Variants in PLBD2 observed in about 807,000 individuals in gnomAD.
PLBD2 encodes phospholipase B domain containing 2.
A neutral mutation model predicts 68.3 loss-of-function variants in PLBD2; 51 were observed. That is an observed-to-expected ratio of 0.75 (90% CI 0.60 to 0.94). The LOEUF (loss-of-function observed/expected upper bound fraction) is 0.94, where lower values mean the gene tolerates loss of function less well. Among genes scored for constraint, PLBD2 ranks in the 40% least tolerant of loss-of-function variants. The pLI is 0.00. For missense variants in PLBD2, 729 were observed against 792.2 expected (o/e 0.92, Z 0.96); for synonymous variants, 314 against 339.3 (o/e 0.93, Z 0.82).
chr12:113,359,100 G>T (rs1266565647), intron 1 of PLBD2, among the ~76,000 whole-genome samples: 1 of 152,256 alleles, frequency 6.6e-6, no homozygotes, highest in Non-Finnish European at 1.5e-5. Context: ...CATGGGGCCA[G>T]TCCCTTGCCT....
At chr12:113,373,398 G>A (rs907032814) in intron 3 of PLBD2, among the ~76,000 whole-genome samples, 18 of 152,194 alleles carry the variant, frequency 1.2e-4, no homozygotes, top group African/African-American at 4.3e-4. Flanking sequence ...CTGTAAAGTG[G>A]CCATCAATGC....
intron 6 of PLBD2, among the ~76,000 whole-genome samples, chr12:113,382,867 GTTTTTTTTTTTT>G (rs67376686): frequency 3.7e-5 from 3 of 81,798 alleles, no homozygotes; most frequent in African/African-American, 1.4e-4. Context: ...GTGTGTGTGT[GTTTTTTTTTTTT>G]TTTTTTTTTT....
intron 5 of PLBD2, among the ~76,000 whole-genome samples, chr12:113,375,320 A>T (rs1957431126): frequency 6.6e-6 from 1 of 151,462 alleles, no homozygotes; most frequent in Non-Finnish European, 1.5e-5. Context: ...TAATTTGTTT[A>T]TTTTTTTATT....
intron 6 of PLBD2, among the ~76,000 whole-genome samples, chr12:113,382,835 TTGTGTGTG>T (rs1209547269): frequency 1.7e-4 from 18 of 106,606 alleles, no homozygotes; most frequent in African/African-American, 5.0e-4. Context: ...TGGTGGTTTT[TTGTGTGTG>T]TGTGTGTGTG....
chr12:113,383,134 G>A (rs1408584004), intron 6 of PLBD2, among the ~76,000 whole-genome samples: 3 of 152,170 alleles, frequency 2.0e-5, no homozygotes, highest in Non-Finnish European at 2.9e-5. Context: ...CGGAGGCAGC[G>A]GTGGGCATCC....
intron 6 of PLBD2, among the ~76,000 whole-genome samples, chr12:113,382,835 T>TTTTTTGTGTGTGTGTGTGTGTGTG (rs1335785271): frequency 6.6e-5 from 7 of 106,610 alleles, no homozygotes; most frequent in Non-Finnish European, 1.1e-4. Context: ...TGGTGGTTTT[T>TTTTTTGTGTGTGTGTGTGTGTGTG]TGTGTGTGTG....
In PLBD2 at chr12:113,384,289, G is replaced by A; in HGVS notation, c.1118+24G>A. On this transcript the variant is annotated intron_variant, in intron 7 of 11. Coordinates refer to ENST00000280800, the MANE Select transcript of PLBD2 (RefSeq NM_173542.4). This position sits in a 1 kb window ranked among gnomAD's most constrained non-coding sequence, Gnocchi z 4.2. ...ACGTGAGTGGGCTTCTGGCCCTGTG[G>A]CTTCCCCTGCACCAAGAGATAGACC... 1 of 1,594,608 alleles carries A rather than the reference G, an allele frequency of 6.3e-7. No individual in the cohort carries two copies. The highest frequency in any genetic ancestry group is 8.6e-7 in the Non-Finnish European group (1 of 1,169,156).
chr12:113,367,800 G>A (rs1356397429), intron 1 of PLBD2, among the ~76,000 whole-genome samples: 4 of 151,168 alleles, frequency 2.6e-5, no homozygotes, highest in African/African-American at 9.7e-5. Context: ...TTAAGCTACT[G>A]TAAAGTATCT....
chr12:113,385,008 C>A, intron 8 of PLBD2, 62 bp downstream of exon 8: 2 of 1,495,290 alleles, frequency 1.3e-6, no homozygotes, highest in African/African-American at 1.4e-5. Flanking sequence ...GGGTGAAGGC[C>A]CAGAGCCGTG....
chr12:113,378,001 A>G (rs1957449805), intron 5 of PLBD2, among the ~76,000 whole-genome samples: 1 of 152,226 alleles, frequency 6.6e-6, no homozygotes, highest in Non-Finnish European at 1.5e-5. Context: ...CCTAGACTTT[A>G]AAAAATGTAC....
intron 3 of PLBD2, among the ~76,000 whole-genome samples, 195 bp from the exon 4 acceptor site, chr12:113,374,279 T>C (rs116710771): frequency 0.011 from 1,712 of 152,228 alleles, 29 homozygotes; most frequent in African/African-American, 0.037. Flanking sequence ...AGTTAATTCA[T>C]TGAAAGCAGG....
chr12:113,362,304 G>T (rs1957302996), intron 1 of PLBD2, among the ~76,000 whole-genome samples: 1 of 151,902 alleles, frequency 6.6e-6, no homozygotes. Context: ...TCCAGCCTGG[G>T]CAACAGAGTG....
intron 6 of PLBD2, among the ~76,000 whole-genome samples, chr12:113,382,882 T>G (rs1957509641): frequency 1.4e-5 from 2 of 145,270 alleles, no homozygotes; most frequent in African/African-American, 5.1e-5. Context: ...TTTTTTTTTT[T>G]TTTTTTTTAG....
chr12:113,376,134 G>A (rs1957436244), intron 5 of PLBD2, among the ~76,000 whole-genome samples: 1 of 148,168 alleles, frequency 6.7e-6, no homozygotes, highest in Admixed American at 6.8e-5. Context: ...GATTACAGGT[G>A]TGAGCCACCG....
chr12:113,367,649 C>T (rs1394720439), intron 1 of PLBD2, among the ~76,000 whole-genome samples: 1 of 148,382 alleles, frequency 6.7e-6, no homozygotes, highest in Middle Eastern at 3.5e-3. Flanking sequence ...ACTCAGGAGG[C>T]GTAGGTGGAA....
Position 113,384,765 on chromosome 12 carries a change from C to A in PLBD2, c.1119-86C>A. 8.9e-7 allele frequency: 1 copy of A among 1,120,404 alleles called. No homozygotes were observed. Among genetic ancestry groups the A allele is most frequent in the Non-Finnish European group, 1.3e-6 (1 of 753,300 alleles). 69.4% of individuals were successfully genotyped at this position (1,120,404 alleles called of 1,614,324 possible). ...AACCCCAGGCCCACTTCCTGTAATT[C>A]CTAGCTGAGTGGGACACTGCAGGGT... On this transcript the variant is annotated intron_variant, in intron 7 of 11. Coordinates refer to ENST00000280800, the MANE Select transcript of PLBD2 (RefSeq NM_173542.4). The surrounding 1 kb of genome is among the most constrained non-coding windows in gnomAD (Gnocchi z 4.2).
Position 113,358,893 on chromosome 12 carries a change from A to G in PLBD2, c.290+3A>G. 1 of 1,517,780 alleles carries G rather than the reference A, an allele frequency of 6.6e-7. No homozygotes were observed. The highest frequency in any genetic ancestry group is 2.8e-5 in the East Asian group (1 of 35,788). The allele number at this position is 1,517,780 out of a possible 1,614,324, so 94.0% of individuals were successfully genotyped here. On this transcript the variant is annotated splice_donor_region_variant and intron_variant, in intron 1 of 11. Transcript: ENST00000280800. ...ACCAACGCCATCCGCGAGACTGGGT[A>G]AGGGTTGGCTTATCCCCACGCGGGG... is the stretch of plus-strand genomic sequence containing the variant.
chr12:113,391,199 A>G lies in PLBD2; in HGVS notation c.*2573A>G, dbSNP rs971739114. ...ATCTCATGCAGCCTGCCTTGGAGAC[A>G]AGACTCTCCCAGTGCTGTGTGCTTG... is the stretch of plus-strand genomic sequence containing the variant. On this transcript the variant is annotated 3_prime_UTR_variant, in exon 12 of 12. Transcript: ENST00000280800. 7.9e-5 allele frequency: 12 copies of G among 152,282 alleles called. No individual in the cohort carries two copies. Among genetic ancestry groups the G allele is most frequent in the Admixed American group, 7.2e-4 (11 of 15,282 alleles). The allele number at this position is 152,282 out of a possible 1,614,324, so 9.4% of individuals were successfully genotyped here.
intron 6 of PLBD2, among the ~76,000 whole-genome samples, chr12:113,381,393 T>C (rs1391311408): frequency 6.6e-6 from 1 of 152,066 alleles, no homozygotes; most frequent in Non-Finnish European, 1.5e-5. Flanking sequence ...CAGACTTGTT[T>C]AGAAATCTGT....
Sources: allele counts gnomAD v4.1 joint callset (sites outside exome capture counted in the v4.1 genomes callset), GRCh38; gene constraint gnomAD v4.1.1; non-coding constraint Gnocchi (gnomAD v3.1); transcripts MANE v1.5; gene names NCBI Gene and HGNC (gene_info 2026-07-23, HGNC 2026-07-21).